LRRC4C: variants seen among roughly 807,000 people sequenced by gnomAD.
LRRC4C encodes the protein leucine-rich repeat-containing protein 4C.
In LRRC4C, 5 loss-of-function variants were observed where a neutral mutation model predicts 33.6. That is an observed-to-expected ratio of 0.15 (90% CI 0.08 to 0.31). LRRC4C has a LOEUF of 0.31. LRRC4C is among the 10% of genes least tolerant of loss of function. The pLI, the probability that LRRC4C is intolerant of heterozygous loss-of-function variation, is 1.00. For missense variants in LRRC4C, 560 were observed against 796.7 expected (o/e 0.70, Z 3.58); for synonymous variants, 329 against 302.0 (o/e 1.09, Z -0.93).
intron 1 of LRRC4C, among the ~76,000 whole-genome samples, chr11:41,390,934 T>C (rs144621184): frequency 2.8e-4 from 42 of 150,342 alleles, no homozygotes; most frequent in African/African-American, 1.0e-3. Flanking sequence ...TGAATAAATA[T>C]AGCTTTCTTT....
At chr11:40,356,988 C>G (rs918666050) in intron 3 of LRRC4C, among the ~76,000 whole-genome samples, 3 of 152,204 alleles carry the variant, frequency 2.0e-5, no homozygotes, top group East Asian at 1.9e-4. Flanking sequence ...CACAAAGCTG[C>G]CATTAAACAC....
At chr11:40,506,641 G>GA (rs1408270192) in intron 3 of LRRC4C, among the ~76,000 whole-genome samples, 69 of 122,026 alleles carry the variant, frequency 5.7e-4, no homozygotes, top group African/African-American at 1.6e-3. Flanking sequence ...ATTCTCATCT[G>GA]AAAAAAAAAT....
Position 41,322,503 on chromosome 11 carries a change from C to A in LRRC4C, c.-496+136928G>T, listed in dbSNP as rs73486031. On this transcript the variant is annotated intron_variant, in intron 1 of 6. Coordinates refer to ENST00000528697, the MANE Select transcript of LRRC4C (RefSeq NM_001258419.2). ...CAATAGTTTCCCTGTGGAGAAAGCA[C>A]CAAAACCTTTAGTAATATAAATGGT... Among the ~76,000 whole-genome samples, 522 of 152,024 alleles carry A rather than the reference C, an allele frequency of 3.4e-3. 4 individuals are homozygous for A. Among genetic ancestry groups the A allele is most frequent in the African/African-American group, 0.012 (498 of 41,460 alleles).
At position 40,211,396 on chromosome 11, in the gene LRRC4C, T is replaced by TA. The variant is rs1216482199; in HGVS notation, c.-96+30122dup. Among the ~76,000 whole-genome samples the TA allele has an allele frequency of 4.6e-5, 7 of 152,306 alleles. 1 individual carries two copies. The highest frequency in any genetic ancestry group is 1.9e-4 in the East Asian group (1 of 5,188). ...TTTTTGAAAGCAAGTGGTGTATATT[T>TA]AAAAAAACTTGAATAAAACTAAAAC... On this transcript the variant is annotated intron_variant, in intron 5 of 6. Coordinates refer to ENST00000528697, the MANE Select transcript of LRRC4C (RefSeq NM_001258419.2).
At chr11:41,126,208 T>A (rs1164698274) in intron 1 of LRRC4C, among the ~76,000 whole-genome samples, 1 of 151,996 alleles carries the variant, frequency 6.6e-6, no homozygotes, top group African/African-American at 2.4e-5. Flanking sequence ...AAATTAAATT[T>A]TTAAAAAATT....
At chr11:40,686,056 A>C (rs1475173153) in intron 2 of LRRC4C, among the ~76,000 whole-genome samples, 1 of 151,986 alleles carries the variant, frequency 6.6e-6, no homozygotes, top group Non-Finnish European at 1.5e-5. Context: ...ACTTTTTTCA[A>C]CCTCATCATA....
chr11:41,152,208 C>G (rs1384136445), intron 1 of LRRC4C, among the ~76,000 whole-genome samples: 2 of 152,150 alleles, frequency 1.3e-5, no homozygotes, highest in Non-Finnish European at 2.9e-5. Flanking sequence ...TTGTATCCTG[C>G]CTACACCTGA....
At chr11:40,230,688 G>C (rs1590770624) in intron 5 of LRRC4C, among the ~76,000 whole-genome samples, 1 of 152,292 alleles carries the variant, frequency 6.6e-6, no homozygotes, top group African/African-American at 2.4e-5. Context: ...ATGGAAATAG[G>C]AATCTGGGGT....
intron 2 of LRRC4C, among the ~76,000 whole-genome samples, chr11:40,922,939 C>T (rs941032149): frequency 2.0e-5 from 3 of 152,160 alleles, no homozygotes; most frequent in African/African-American, 7.2e-5. Context: ...ATTCTCATGC[C>T]TCAACCTCCC....
At chr11:41,226,914 T>C (rs1947566700) in intron 1 of LRRC4C, among the ~76,000 whole-genome samples, 1 of 152,112 alleles carries the variant, frequency 6.6e-6, no homozygotes, top group Admixed American at 6.6e-5. Context: ...GATTTTTCCT[T>C]GTATCCTTAT....
chr11:40,667,180 A>T (rs571279049), intron 2 of LRRC4C, among the ~76,000 whole-genome samples: 4 of 152,346 alleles, frequency 2.6e-5, no homozygotes, highest in South Asian at 4.1e-4. Context: ...TTTTTACACA[A>T]GTAACTTTAC....
At chr11:40,291,255 A>G (rs1565237064) in intron 4 of LRRC4C, among the ~76,000 whole-genome samples, 1 of 152,116 alleles carries the variant, frequency 6.6e-6, no homozygotes, top group Non-Finnish European at 1.5e-5. Flanking sequence ...AGGCGCTCAG[A>G]CTTTCTAAGC....
intron 1 of LRRC4C, among the ~76,000 whole-genome samples, chr11:41,241,779 T>C (rs1172931783): frequency 6.6e-6 from 1 of 152,152 alleles, no homozygotes; most frequent in Non-Finnish European, 1.5e-5. Flanking sequence ...TGGCGACCGG[T>C]CTATCTTTTG....
intron 1 of LRRC4C, among the ~76,000 whole-genome samples, chr11:41,053,057 A>G (rs1165007870): frequency 6.6e-6 from 1 of 152,230 alleles, no homozygotes; most frequent in Non-Finnish European, 1.5e-5. Flanking sequence ...TAAACTAGGC[A>G]AGAGCCATTG....
At chr11:40,941,039 G>A (rs1187755471) in intron 1 of LRRC4C, among the ~76,000 whole-genome samples, 1 of 150,240 alleles carries the variant, frequency 6.7e-6, no homozygotes. Context: ...GAAAAATGAA[G>A]TGGGACAAAA....
At chr11:40,947,977 T>C (rs1351079063) in intron 1 of LRRC4C, among the ~76,000 whole-genome samples, 2 of 152,154 alleles carry the variant, frequency 1.3e-5, no homozygotes, top group African/African-American at 2.4e-5. Context: ...TCATTTTTTT[T>C]CAGCTATTTC....
At chr11:40,695,377 G>T (rs546193940) in intron 2 of LRRC4C, among the ~76,000 whole-genome samples, 6 of 152,222 alleles carry the variant, frequency 3.9e-5, no homozygotes, top group South Asian at 4.2e-4. Flanking sequence ...GTTTCAGAAA[G>T]GCAGAGACCT....
intron 3 of LRRC4C, among the ~76,000 whole-genome samples, chr11:40,378,571 T>G (rs1185284098): frequency 6.6e-6 from 1 of 152,044 alleles, no homozygotes; most frequent in Non-Finnish European, 1.5e-5. Flanking sequence ...GAAAGAAATA[T>G]TTCTAGAATT....
intron 2 of LRRC4C, among the ~76,000 whole-genome samples, chr11:40,807,515 T>C: frequency 6.6e-6 from 1 of 152,166 alleles, no homozygotes; most frequent in East Asian, 1.9e-4. Flanking sequence ...GACAACTAAG[T>C]TGTATATTGT....
Sources: allele counts gnomAD v4.1 joint callset (sites outside exome capture counted in the v4.1 genomes callset), GRCh38; gene constraint gnomAD v4.1.1; transcripts MANE v1.5; gene names NCBI Gene and HGNC (gene_info 2026-07-23, HGNC 2026-07-21).